The following KIRREL3 variants were observed in gnomAD, a reference collection of about 807,000 sequenced individuals.
KIRREL3 encodes kin of IRRE-like protein 3.
KIRREL3 carries 36 observed loss-of-function variants against 89.7 expected under a neutral mutation model. That is an observed-to-expected ratio of 0.40 (90% CI 0.31 to 0.53). KIRREL3 has a LOEUF of 0.53. Ranked by LOEUF, KIRREL3 falls within the 20% of genes least tolerant of loss-of-function variation. KIRREL3 has a pLI of 0.49. For missense variants in KIRREL3, 864 were observed against 1,056.6 expected, an observed-to-expected ratio of 0.82 and a Z score of 2.53; for synonymous variants, 445 against 441.4, an observed-to-expected ratio of 1.01 and a Z score of -0.10.
rs887353982 is a variant in KIRREL3, at chr11:126,817,966, G to C, written c.55+182489C>G. Among the ~76,000 whole-genome samples the C allele has an allele frequency of 6.6e-6, 1 of 152,228 alleles. No individual in the cohort carries two copies. Among genetic ancestry groups the C allele is most frequent in the African/African-American group, 2.4e-5 (1 of 41,458 alleles). On this transcript the variant is annotated intron_variant, in intron 1 of 16. Coordinates refer to ENST00000525144, the MANE Select transcript of KIRREL3 (RefSeq NM_032531.4). The surrounding 1 kb of genome is among the most constrained non-coding windows in gnomAD (Gnocchi z 5.7). The stretch of plus-strand genomic sequence containing the variant: ...AATCAGAGGCTTCAGCAGGAGGAGA[G>C]GCTCAAATGAGCCCAAGCTGATTAA...
chr11:126,875,776 C>T lies in KIRREL3; in HGVS notation c.55+124679G>A, dbSNP rs148139694. ...TCATTATGCCCAATGCATTTGTCTT[C>T]ATAATATGTACTTCACAATTACAAT... On this transcript the variant is annotated intron_variant, in intron 1 of 16. Coordinates refer to ENST00000525144, the MANE Select transcript of KIRREL3 (RefSeq NM_032531.4). Among the ~76,000 whole-genome samples, 226 of 152,304 alleles carry T rather than the reference C, an allele frequency of 1.5e-3. 1 individual carries two copies. The highest frequency in any genetic ancestry group is 5.1e-3 in the African/African-American group (213 of 41,560).
chr11:126,975,906 T>TC (rs1565470884), intron 1 of KIRREL3, among the ~76,000 whole-genome samples: 1 of 56,336 alleles, frequency 1.8e-5, no homozygotes, highest in Non-Finnish European at 3.3e-5. Flanking sequence ...CTCCCTCCCT[T>TC]CCTCCCTCCC....
At position 126,969,548 on chromosome 11, in the gene KIRREL3, G is replaced by A. The variant is rs929091441; in HGVS notation, c.55+30907C>T. ...GCTGTGGGTAGCAATGGAGCATGGT[G>A]TGTTCAGAGCCAGCCAAGCAATCCC... is the stretch of plus-strand genomic sequence containing the variant. On this transcript the variant is annotated intron_variant, in intron 1 of 16. Transcript: ENST00000525144. The surrounding 1 kb of genome is among the most constrained non-coding windows in gnomAD (Gnocchi z 4.9). Among the ~76,000 whole-genome samples, 14 of 152,166 alleles carry A rather than the reference G, an allele frequency of 9.2e-5. No individual in the cohort carries two copies. The highest frequency in any genetic ancestry group is 3.4e-4 in the African/African-American group (14 of 41,442).
At chr11:126,659,047 G>T (rs576621055) in intron 1 of KIRREL3, among the ~76,000 whole-genome samples, 1 of 152,248 alleles carries the variant, frequency 6.6e-6, no homozygotes, top group African/African-American at 2.4e-5. Flanking sequence ...CATTTAGACT[G>T]GCCAATTGGT....
At chr11:126,600,192 G>C (rs1288899113) in intron 1 of KIRREL3, among the ~76,000 whole-genome samples, 1 of 152,110 alleles carries the variant, frequency 6.6e-6, no homozygotes, top group Non-Finnish European at 1.5e-5. Context: ...GTGGGCAAAT[G>C]AGGCTCTCAA....
chr11:126,453,047 C>T (rs1489615288), intron 7 of KIRREL3, among the ~76,000 whole-genome samples: 2 of 150,858 alleles, frequency 1.3e-5, no homozygotes, highest in African/African-American at 2.4e-5. Context: ...TGTCTCCTCC[C>T]CTCTCCCCAC....
intron 1 of KIRREL3, among the ~76,000 whole-genome samples, chr11:126,907,508 G>A (rs1413098584): frequency 2.0e-5 from 3 of 152,180 alleles, no homozygotes; most frequent in Non-Finnish European, 2.9e-5. Flanking sequence ...GCCAGGCAAA[G>A]AGACTTTTTG....
chr11:126,467,688 C>A (rs981450660), intron 5 of KIRREL3, among the ~76,000 whole-genome samples: 1 of 151,706 alleles, frequency 6.6e-6, no homozygotes, highest in African/African-American at 2.4e-5. Flanking sequence ...CTGCTTGGGG[C>A]TCCCCATGGG....
chr11:126,440,280 A>G (rs1955510294), intron 11 of KIRREL3, 169 bp downstream of exon 11: 2 of 716,560 alleles, frequency 2.8e-6, no homozygotes, highest in South Asian at 1.5e-5. Context: ...AAGGCCTGCA[A>G]TTGTGTCTTC....
chr11:126,863,669 G>A (rs1944824508), intron 1 of KIRREL3, among the ~76,000 whole-genome samples: 1 of 152,068 alleles, frequency 6.6e-6, no homozygotes, highest in Admixed American at 6.6e-5. Context: ...GTGAGTGTAT[G>A]TGTGAGTGAG....
At chr11:126,618,849 A>G (rs781442695) in intron 1 of KIRREL3, among the ~76,000 whole-genome samples, 2 of 152,146 alleles carry the variant, frequency 1.3e-5, no homozygotes, top group African/African-American at 2.4e-5. Context: ...ACCCTCCTCT[A>G]CTAATGAAAG....
Position 126,984,763 on chromosome 11 carries a change from G to C in KIRREL3, c.55+15692C>G, listed in dbSNP as rs577960396. ...CTCAATGAAGTATTCACTCCACCAA[G>C]CTCCATGTGAGCCCGCAGGAAGTGC... On this transcript the variant is annotated intron_variant, in intron 1 of 16. Transcript: ENST00000525144. 2.0e-5 allele frequency among the ~76,000 whole-genome samples: 3 copies of C among 152,218 alleles called. No homozygotes were observed. The South Asian group carries it at 6.2e-4, about 32-fold the overall frequency.
intron 16 of KIRREL3, 111 bp from the exon 17 acceptor site, chr11:126,425,134 G>A (rs1591511695): frequency 2.0e-6 from 2 of 1,011,234 alleles, no homozygotes; most frequent in East Asian, 5.3e-5. Context: ...AGGGAAAACA[G>A]GAGGAAGGGA....
At chr11:126,517,136 A>AAGAGAGAAAGAGAGAG (rs1958437696) in intron 4 of KIRREL3, among the ~76,000 whole-genome samples, 2 of 140,808 alleles carry the variant, frequency 1.4e-5, no homozygotes, top group Admixed American at 7.1e-5. Flanking sequence ...GAGAGAGAGA[A>AAGAGAGAAAGAGAGAG]AGAGAGAGAG....
chr11:126,591,052 T>C (rs1942108912), intron 1 of KIRREL3, among the ~76,000 whole-genome samples: 1 of 152,116 alleles, frequency 6.6e-6, no homozygotes, highest in South Asian at 2.1e-4. Flanking sequence ...ACGGTAAAAT[T>C]ACGTCTCTAC....
At chr11:126,826,765 A>G (rs1943431515) in intron 1 of KIRREL3, among the ~76,000 whole-genome samples, 1 of 152,218 alleles carries the variant, frequency 6.6e-6, no homozygotes, top group Non-Finnish European at 1.5e-5. Flanking sequence ...CTAAGAATGT[A>G]GCTGTGAGAC....
At chr11:126,552,172 G>A (rs536474518) in intron 2 of KIRREL3, among the ~76,000 whole-genome samples, 123 of 152,104 alleles carry the variant, frequency 8.1e-4, no homozygotes, top group Non-Finnish European at 1.3e-3. Context: ...TCCACTAGTC[G>A]TTTATTTTTT....
At chr11:126,500,125 C>T (rs1237024487) in intron 4 of KIRREL3, among the ~76,000 whole-genome samples, 1 of 152,180 alleles carries the variant, frequency 6.6e-6, no homozygotes, top group Non-Finnish European at 1.5e-5. Context: ...GGTCCAGATC[C>T]TTGAACCTGT....
At chr11:126,942,197 C>G (rs150503163) in intron 1 of KIRREL3, among the ~76,000 whole-genome samples, 99 of 152,260 alleles carry the variant, frequency 6.5e-4, no homozygotes, top group African/African-American at 2.3e-3. Flanking sequence ...ATTAATCTCT[C>G]TGAGCCTTAG....
Sources: allele counts gnomAD v4.1 joint callset (sites outside exome capture counted in the v4.1 genomes callset), GRCh38; gene constraint gnomAD v4.1.1; non-coding constraint Gnocchi (gnomAD v3.1); transcripts MANE v1.5; gene names NCBI Gene and HGNC (gene_info 2026-07-23, HGNC 2026-07-21).